Variants in LRRFIP2 observed in about 807,000 individuals in gnomAD.
LRRFIP2 encodes the protein leucine-rich repeat flightless-interacting protein 2.
LRRFIP2 carries 109 observed loss-of-function variants against 125.9 expected under a neutral mutation model. The ratio of observed to expected loss-of-function variants is 0.87; its 90% confidence interval spans 0.74 to 1.01. The LOEUF (loss-of-function observed/expected upper bound fraction) is 1.01. Ranked by LOEUF, LRRFIP2 falls within the 50% of genes least tolerant of loss-of-function variation. The pLI, the probability that LRRFIP2 is intolerant of heterozygous loss-of-function variation, is 0.00. For missense variants in LRRFIP2, 850 were observed against 862.3 expected, an observed-to-expected ratio of 0.99 and a Z score of 0.18; for synonymous variants, 291 against 293.1, an observed-to-expected ratio of 0.99 and a Z score of 0.07.
At chr3:37,104,713 A>C (rs949256184) in intron 14 of LRRFIP2, among the ~76,000 whole-genome samples, 4 of 152,240 alleles carry the variant, frequency 2.6e-5, no homozygotes, top group African/African-American at 9.6e-5. Context: ...GCTTCATTAA[A>C]GAATAACCTG....
chr3:37,117,637 C>CTT (rs2094850098), intron 6 of LRRFIP2, among the ~76,000 whole-genome samples: 1 of 151,898 alleles, frequency 6.6e-6, no homozygotes, highest in Non-Finnish European at 1.5e-5. Flanking sequence ...CTATTGTAAT[C>CTT]TTTTAAAGAA....
intron 24 of LRRFIP2, among the ~76,000 whole-genome samples, chr3:37,062,225 A>C (rs2088950668): frequency 6.6e-6 from 1 of 152,214 alleles, no homozygotes; most frequent in Admixed American, 6.5e-5. Context: ...CATATCATAT[A>C]ATATTGTCTG....
intron 2 of LRRFIP2, 98 bp from the exon 3 acceptor site, chr3:37,129,247 G>C: frequency 1.0e-6 from 1 of 968,662 alleles, no homozygotes; most frequent in Non-Finnish European, 1.6e-6. Flanking sequence ...CACGCAAAAG[G>C]GGTGGGCAGG....
At chr3:37,065,020 A>C (rs1406611812) in intron 23 of LRRFIP2, 1 of 152,894 alleles carries the variant, frequency 6.5e-6, no homozygotes. Context: ...AACTTTCAAA[A>C]TGTTTTTCAG....
chr3:37,167,580 G>C (rs2096525781), intron 1 of LRRFIP2, among the ~76,000 whole-genome samples: 1 of 151,530 alleles, frequency 6.6e-6, no homozygotes, highest in Non-Finnish European at 1.5e-5. Flanking sequence ...CTTAAACCCA[G>C]GAGGGAGAGG....
Position 37,054,518 on chromosome 3 carries a change from G to A in LRRFIP2, c.1951-3C>T, listed in dbSNP as rs370745653. 68 of 1,608,844 alleles carry A rather than the reference G, an allele frequency of 4.2e-5. No individual in the cohort carries two copies. The highest frequency in any genetic ancestry group is 5.4e-5 in the Non-Finnish European group (63 of 1,175,844). Reference sequence around the variant, plus strand: ...ACCTGTCCCTCAAGCCGGCTAATCTGTAAGTATGAGAACATAGGCCTCTAG... The same window carrying A: ...ACCTGTCCCTCAAGCCGGCTAATCTATAAGTATGAGAACATAGGCCTCTAG... On this transcript the variant is annotated splice_polypyrimidine_tract_variant and splice_region_variant and intron_variant, in intron 26 of 27. Coordinates refer to ENST00000336686, the MANE Select transcript of LRRFIP2 (RefSeq NM_006309.4).
Position 37,108,676 on chromosome 3 carries a change from C to A in LRRFIP2, c.618G>T (p.Leu206Phe). Residue 206 changes from leucine (L) to phenylalanine (F), a missense_variant, in exon 12 of 28, where the codon TTG becomes TTT. Physicochemically the swap from Leu to Phe is conservative, Grantham distance 22 (BLOSUM62 0). Transcript: ENST00000336686. ...GLLRSASLAS[L>F]YNGGLYNPYG... ...AAGGGTTATATAATCCACCATTGTACAATGATGCCTAAGGAACAAAGGAAA... is the reference window on the plus strand; with the variant it reads ...AAGGGTTATATAATCCACCATTGTAAAATGATGCCTAAGGAACAAAGGAAA... 6.2e-7 allele frequency: 1 copy of A among 1,609,172 alleles called. No homozygotes were observed. The highest frequency in any genetic ancestry group is 8.5e-7 in the Non-Finnish European group (1 of 1,175,852).
At chr3:37,063,423 GACAGT>G (rs1447106693) in intron 24 of LRRFIP2, among the ~76,000 whole-genome samples, 1 of 152,208 alleles carries the variant, frequency 6.6e-6, no homozygotes, top group Non-Finnish European at 1.5e-5. Context: ...GAGATACAAG[GACAGT>G]ACACAAGAAT....
rs2094928449 is a variant in LRRFIP2 at position 37,119,379 on chromosome 3, C to T, written c.330+2113G>A. On this transcript the variant is annotated intron_variant, in intron 6 of 27. Transcript: ENST00000336686. ...TTATTATCGGTTTAACTGCAGATTC[C>T]TTTTTTGTTTGCAGATTTGTTTTAA... Among the ~76,000 whole-genome samples, 3 of 151,990 alleles carry T rather than the reference C, an allele frequency of 2.0e-5. No individual in the cohort carries two copies. The South Asian group carries it at 6.2e-4, about 31-fold the overall frequency.
chr3:37,061,237 G>A (rs1423786843), intron 24 of LRRFIP2, among the ~76,000 whole-genome samples: 2 of 152,074 alleles, frequency 1.3e-5, no homozygotes, highest in African/African-American at 4.8e-5. Context: ...CCAGCACTTT[G>A]GGAGGACGAG....
chr3:37,119,959 G>GC (rs2094953253), intron 6 of LRRFIP2, among the ~76,000 whole-genome samples: 1 of 152,002 alleles, frequency 6.6e-6, no homozygotes, highest in Non-Finnish European at 1.5e-5. Context: ...ACCGCTCCCG[G>GC]CCTTTTCAAA....
rs181751641 is a variant in LRRFIP2, at chr3:37,053,673, G to C, written c.*178C>G. 1 of 582,944 alleles carries C rather than the reference G, an allele frequency of 1.7e-6. No homozygotes were observed. Among genetic ancestry groups the C allele is most frequent in the South Asian group, 2.2e-5 (1 of 46,198 alleles). The allele number at this position is 582,944 out of a possible 1,614,324, so 36.1% of individuals were successfully genotyped here. A position where few individuals can be genotyped will look rare whatever the true frequency, so the allele number is the denominator to read the frequency against. On this transcript the variant is annotated 3_prime_UTR_variant, in exon 28 of 28. Transcript: ENST00000336686. ...GAATCAAACTACAACAAAATCCAAAGTGTTCATTCATGTAGATTCAAAATG... is the reference window on the plus strand; with the variant it reads ...GAATCAAACTACAACAAAATCCAAACTGTTCATTCATGTAGATTCAAAATG...
At chr3:37,160,903 A>C (rs1229246310) in intron 1 of LRRFIP2, among the ~76,000 whole-genome samples, 1 of 152,228 alleles carries the variant, frequency 6.6e-6, no homozygotes, top group Non-Finnish European at 1.5e-5. Context: ...TTGAAAACTT[A>C]TGCCCACACA....
intron 1 of LRRFIP2, 24 bp from the exon 2 acceptor site, chr3:37,149,062 A>T: frequency 6.4e-7 from 1 of 1,558,270 alleles, no homozygotes; most frequent in Non-Finnish European, 8.7e-7. Flanking sequence ...AAACATAATA[A>T]CTTAAGGTAT....
At chr3:37,130,866 TAGAAA>T (rs1302861048) in intron 2 of LRRFIP2, among the ~76,000 whole-genome samples, 5 of 152,232 alleles carry the variant, frequency 3.3e-5, no homozygotes, top group Non-Finnish European at 7.4e-5. Context: ...TCTACCTTAA[TAGAAA>T]AAAGAATCAT....
chr3:37,150,892 A>T (rs890766992), intron 1 of LRRFIP2, among the ~76,000 whole-genome samples: 4 of 152,198 alleles, frequency 2.6e-5, no homozygotes, highest in Non-Finnish European at 5.9e-5. Flanking sequence ...CTATTCCACC[A>T]AAAAGTTTTC....
chr3:37,064,936 C>T (rs1191007995), intron 23 of LRRFIP2: 1 of 152,334 alleles, frequency 6.6e-6, no homozygotes, highest in African/African-American at 2.4e-5. Flanking sequence ...CTCTCTTGCT[C>T]ACCCAGCATC....
chr3:37,134,083 G>A (rs1300125253), intron 2 of LRRFIP2, among the ~76,000 whole-genome samples: 1 of 151,790 alleles, frequency 6.6e-6, no homozygotes, highest in African/African-American at 2.4e-5. Flanking sequence ...TTGGGAGGCT[G>A]AGGCAGAAGA....
chr3:37,129,052 C>T lies in LRRFIP2; in HGVS notation c.177+11G>A. 1 of 1,611,562 alleles carries T rather than the reference C, an allele frequency of 6.2e-7. No homozygotes were observed. The highest frequency in any genetic ancestry group is 8.5e-7 in the Non-Finnish European group (1 of 1,177,818). On this transcript the variant is annotated intron_variant, in intron 3 of 27. Coordinates refer to ENST00000336686, the MANE Select transcript of LRRFIP2 (RefSeq NM_006309.4). The stretch of plus-strand genomic sequence containing the variant: ...GACAAATATGAAATTAGGGTTATTC[C>T]CTCAAATTACCTCTTTTTGTTGTCG...
Sources: allele counts gnomAD v4.1 joint callset (sites outside exome capture counted in the v4.1 genomes callset), GRCh38; gene constraint gnomAD v4.1.1; transcripts MANE v1.5; gene names NCBI Gene and HGNC (gene_info 2026-07-23, HGNC 2026-07-21).